The following NTM variants were observed in gnomAD, a reference collection of about 807,000 sequenced individuals.
NTM encodes neurotrimin.
In NTM, 13 loss-of-function variants were observed where a neutral mutation model predicts 42.1. The observed-to-expected ratio is 0.31, with a 90% CI of 0.20 to 0.49. The LOEUF is 0.49. Ranked by LOEUF, NTM falls within the 20% of genes least tolerant of loss-of-function variation. The probability of loss-of-function intolerance (pLI) is 0.99; values close to 1 mark genes in which losing one functional copy is unlikely to be tolerated. For synonymous variants in NTM, 187 were observed against 179.2 expected (o/e 1.04, Z -0.35); for missense variants, 373 against 452.8 (o/e 0.82, Z 1.60).
chr11:132,262,411 G>A (rs1297269955), intron 4 of NTM, among the ~76,000 whole-genome samples: 1 of 152,142 alleles, frequency 6.6e-6, no homozygotes. Flanking sequence ...AGATGGAGTG[G>A]CTTAAACAAC....
At chr11:131,931,789 C>T (rs868727741) in intron 2 of NTM, among the ~76,000 whole-genome samples, 23 of 151,972 alleles carry the variant, frequency 1.5e-4, no homozygotes, top group African/African-American at 3.1e-4. Flanking sequence ...GGGACACTGG[C>T]GGTTTTGGGG....
intron 1 of NTM, among the ~76,000 whole-genome samples, chr11:131,861,264 A>G (rs2046603799): frequency 6.6e-6 from 1 of 152,236 alleles, no homozygotes; most frequent in African/African-American, 2.4e-5. Flanking sequence ...CCTATCCCCA[A>G]GTGCTAAAAA....
intron 3 of NTM, among the ~76,000 whole-genome samples, chr11:132,156,907 G>A (rs751462825): frequency 5.3e-5 from 8 of 152,210 alleles, no homozygotes; most frequent in Non-Finnish European, 1.2e-4. Context: ...CACACACAGA[G>A]GAGAAGGCAG....
At chr11:132,163,805 C>T (rs2074815626) in intron 3 of NTM, among the ~76,000 whole-genome samples, 1 of 152,230 alleles carries the variant, frequency 6.6e-6, no homozygotes, top group Admixed American at 6.5e-5. Context: ...CATTGAGATA[C>T]TTGGGGTATT....
chr11:131,836,961 G>A (rs1489972654), intron 1 of NTM, among the ~76,000 whole-genome samples: 1 of 152,148 alleles, frequency 6.6e-6, no homozygotes, highest in Non-Finnish European at 1.5e-5. Flanking sequence ...CTCCTGAAGG[G>A]ATCTTTTTTA....
At chr11:131,539,403 C>T (rs1285343525) in intron 1 of NTM, 5 of 152,120 alleles carry the variant, frequency 3.3e-5, no homozygotes, top group Admixed American at 6.6e-5. Flanking sequence ...TGGGGATGAA[C>T]GCTTGTGCAC....
chr11:131,436,189 C>T (rs1302729836), intron 1 of NTM, among the ~76,000 whole-genome samples: 2 of 152,116 alleles, frequency 1.3e-5, no homozygotes, highest in African/African-American at 4.8e-5. Context: ...TTCGATTTGC[C>T]AGTATTTTAT....
chr11:131,853,356 G>T (rs139634912), intron 1 of NTM, among the ~76,000 whole-genome samples: 18 of 152,228 alleles, frequency 1.2e-4, no homozygotes, highest in African/African-American at 3.6e-4. Flanking sequence ...ATTAACCCAA[G>T]AATCCATTCG....
chr11:131,582,933 G>A (rs1392470709), intron 1 of NTM, among the ~76,000 whole-genome samples: 1 of 152,172 alleles, frequency 6.6e-6, no homozygotes, highest in Non-Finnish European at 1.5e-5. Context: ...TTCATGGCCT[G>A]TACTTTCTTT....
chr11:131,569,000 T>C (rs2057175265), intron 1 of NTM, among the ~76,000 whole-genome samples: 1 of 152,214 alleles, frequency 6.6e-6, no homozygotes, highest in African/African-American at 2.4e-5. Flanking sequence ...TTTGCATCCA[T>C]TACTGCAATC....
chr11:131,941,630 G>T (rs531474017), intron 2 of NTM, among the ~76,000 whole-genome samples: 1 of 152,172 alleles, frequency 6.6e-6, no homozygotes, highest in African/African-American at 2.4e-5. Flanking sequence ...GTAAATGAAC[G>T]ATAGAACTTT....
chr11:132,319,238 G>A (rs1386700870), intron 7 of NTM, among the ~76,000 whole-genome samples: 2 of 152,166 alleles, frequency 1.3e-5, no homozygotes, highest in Non-Finnish European at 2.9e-5. Context: ...GAGGTACCGG[G>A]TTCATCTCAC....
chr11:131,854,885 T>G (rs1036730406), intron 1 of NTM, among the ~76,000 whole-genome samples: 4 of 152,170 alleles, frequency 2.6e-5, no homozygotes, highest in Non-Finnish European at 4.4e-5. Context: ...AGACAAAACT[T>G]CTGTTTCTAA....
At chr11:131,690,147 C>T (rs2074471982) in intron 1 of NTM, among the ~76,000 whole-genome samples, 1 of 152,104 alleles carries the variant, frequency 6.6e-6, no homozygotes, top group Admixed American at 6.5e-5. Flanking sequence ...AGGAGCACAC[C>T]AAGATGGCAG....
intron 1 of NTM, among the ~76,000 whole-genome samples, chr11:131,492,244 G>C (rs969987482): frequency 6.6e-6 from 1 of 152,188 alleles, no homozygotes; most frequent in Non-Finnish European, 1.5e-5. Context: ...GGCAGTTACT[G>C]TTACTCTCAT....
chr11:131,980,611 A>G (rs2065076612), intron 2 of NTM, among the ~76,000 whole-genome samples: 1 of 152,246 alleles, frequency 6.6e-6, no homozygotes, highest in Non-Finnish European at 1.5e-5. Flanking sequence ...TTCAAAAACA[A>G]GTGAGAGTCT....
At chr11:131,941,133 C>T (rs1289568592) in intron 2 of NTM, among the ~76,000 whole-genome samples, 1 of 152,198 alleles carries the variant, frequency 6.6e-6, no homozygotes, top group African/African-American at 2.4e-5. Context: ...TTTATATCTA[C>T]ATAATTTTAA....
rs2078864972 is a variant in NTM at position 131,725,574 on chromosome 11, A to G, written c.83-185990A>G. 2.6e-5 allele frequency among the ~76,000 whole-genome samples: 4 copies of G among 152,174 alleles called. No individual in the cohort carries two copies. In the South Asian group the frequency reaches 8.3e-4, roughly 32 times the overall value. ...CAGCCCCAAAAAGGTGTTGAGTTAG[A>G]AGGAAAACTTGCAGGTTCCAGAAAC... On this transcript the variant is annotated intron_variant, in intron 1 of 8. Transcript: ENST00000683400.
chr11:132,162,612 CAT>C (rs559982750), intron 3 of NTM, among the ~76,000 whole-genome samples: 146 of 104,532 alleles, frequency 1.4e-3, no homozygotes, highest in African/African-American at 5.2e-3. Flanking sequence ...GTGTGGGGGA[CAT>C]GTGTGAGTGT....
Sources: gnomAD v4.1 joint callset for allele counts (sites outside exome capture counted in the v4.1 genomes callset) on GRCh38, gnomAD v4.1.1 for gene constraint, MANE v1.5 for transcripts, NCBI Gene and HGNC (gene_info 2026-07-23, HGNC 2026-07-21) for gene names.